The following SSBP4 variants were observed in gnomAD, a reference collection of about 807,000 sequenced individuals.
SSBP4 encodes single-stranded DNA-binding protein 4.
Under a neutral mutation model 64.6 loss-of-function variants are expected in SSBP4, and 33 were observed. The ratio of observed to expected loss-of-function variants is 0.51; its 90% CI spans 0.39 to 0.68. The LOEUF is 0.68. SSBP4 is among the 30% of genes least tolerant of loss of function. SSBP4 has a pLI of 0.00. For missense variants in SSBP4, 583 were observed against 566.8 expected (o/e 1.03, Z -0.29); for synonymous variants, 243 against 224.0 (o/e 1.08, Z -0.76).
chr19:18,433,416 C>A, intron 15 of SSBP4, 169 bp from the exon 16 acceptor site: 1 of 1,315,572 alleles, frequency 7.6e-7, no homozygotes. Context: ...ACCGCCCCTC[C>A]CCCCCAGGCC....
intron 10 of SSBP4, 63 bp from the exon 11 acceptor site, chr19:18,432,496 T>G: frequency 2.0e-6 from 3 of 1,516,134 alleles, no homozygotes; most frequent in South Asian, 2.6e-5. Context: ...GTGGGGGGTG[T>G]GTGGTGAGGG....
rs1423446908 is a variant in SSBP4 at position 18,423,125 on chromosome 19, A to G, written c.59+3418A>G. Among the ~76,000 whole-genome samples, 1 of 152,200 alleles carries G rather than the reference A, an allele frequency of 6.6e-6. No individual in the cohort carries two copies. ...CTGGGGTCTGAGTGGGCCACTTGCA[A>G]GAAGAGGGGCATGTGTATATCCTTC... On this transcript the variant is annotated intron_variant, in intron 1 of 17. Transcript: ENST00000270061. The surrounding 1 kb of genome is among the most constrained non-coding windows in gnomAD (Gnocchi z 4.0).
upstream of SSBP4, chr19:18,419,304 C>T (rs1004957569): frequency 7.0e-6 from 7 of 1,003,584 alleles, no homozygotes; most frequent in Non-Finnish European, 8.3e-6. Context: ...CGGGACCCAC[C>T]CGCGCGCCCG....
Position 18,432,594 on chromosome 19 carries a change from G to A in SSBP4, c.740G>A (p.Ser247Asn). The change falls in exon 11 of 18, where the codon AGT becomes AAT. Residue 247 changes from serine to asparagine, a missense_variant. Physicochemically the swap from Ser to Asn is conservative, Grantham distance 46. Transcript: ENST00000270061. ...PGVRGPWASPSGNSIPYSSSS... is the reference protein window; with the variant it reads ...PGVRGPWASPNGNSIPYSSSS... ...GTTCGTGGCCCGTGGGCCAGCCCCAGTGGAAACTCGGTGAGCCTATGGCTG... is the reference window on the plus strand; with the variant it reads ...GTTCGTGGCCCGTGGGCCAGCCCCAATGGAAACTCGGTGAGCCTATGGCTG... 6.5e-7 allele frequency: 1 copy of A among 1,543,294 alleles called. No individual in the cohort carries two copies. Among genetic ancestry groups the A allele is most frequent in the Non-Finnish European group, 8.8e-7 (1 of 1,137,258 alleles).
chr19:18,430,858 C>G lies in SSBP4; in HGVS notation c.297C>G (p.Pro99=). The G allele has an allele frequency of 6.2e-7, 1 of 1,613,176 alleles. No individual in the cohort carries two copies. Among genetic ancestry groups the G allele is most frequent in the Non-Finnish European group, 8.5e-7 (1 of 1,179,722 alleles). The change falls in exon 5 of 18, where the codon CCC becomes CCG. Residue 99 remains proline, a synonymous_variant. Transcript: ENST00000270061. The part of the protein sequence containing the change: ...AFQDYSAAAA[P]SPVMGSMAPG... ...CCTTACAGAGTGCTGCAGCCGCCCC[C>G]AGCCCCGTTATGGGGAGTATGGCCC... is the stretch of plus-strand genomic sequence containing the variant.
chr19:18,410,086 C>G, the SSBP4 span, among the ~76,000 whole-genome samples: 4 of 152,196 alleles, frequency 2.6e-5, no homozygotes, highest in African/African-American at 9.7e-5. Flanking sequence ...CTCCGCCTCC[C>G]GGGTTGAAGC....
Position 18,432,893 on chromosome 19 carries a change from A to G in SSBP4, c.841+10A>G. 6.2e-7 allele frequency: 1 copy of G among 1,613,982 alleles called. No individual in the cohort carries two copies. Among genetic ancestry groups the G allele is most frequent in the Non-Finnish European group, 8.5e-7 (1 of 1,179,958 alleles). ...ATGCCTAGCCCTGGAGGTATGGCCT[A>G]GTAAGAGGTGGGGGTGTGCTAGGGT... On this transcript the variant is annotated intron_variant, in intron 13 of 17. Transcript: ENST00000270061.
chr19:18,409,252 T>A, the SSBP4 span, among the ~76,000 whole-genome samples: 31 of 151,212 alleles, frequency 2.1e-4, no homozygotes, highest in Admixed American at 2.1e-3. Flanking sequence ...AGTAGTGCGA[T>A]CTGGGCTCAC....
rs1323733757 is a variant in SSBP4 at position 18,434,301 on chromosome 19, G to A, written c.*55G>A. On this transcript the variant is annotated 3_prime_UTR_variant, in exon 18 of 18. Transcript: ENST00000270061. ...GCCTAGGCTTCTGCCCAGCGCCCCT[G>A]CTCAGGGCGAGGGGCTGAGGTCACA... The A allele has an allele frequency of 6.2e-7, 1 of 1,603,958 alleles. No individual in the cohort carries two copies. Among genetic ancestry groups the A allele is most frequent in the Non-Finnish European group, 8.5e-7 (1 of 1,176,080 alleles).
chr19:18,427,755 C>T lies in SSBP4; in HGVS notation c.136C>T (p.Arg46Ter). ...KSAQTFLSEI[R>*]WEKNITLGEP... is the part of the protein sequence containing the mutation. ...CACCACCTTCCTTTCCCTGCAGATCCGATGGGAGAAGAACATCACGCTGGG... is the reference window on the plus strand; with the variant it reads ...CACCACCTTCCTTTCCCTGCAGATCTGATGGGAGAAGAACATCACGCTGGG... Residue 46 changes from arginine to a stop codon, truncating the protein, a stop_gained, in exon 3 of 18, where the codon CGA becomes TGA. Transcript: ENST00000270061. LOFTEE classifies it high-confidence loss of function. This position sits in a 1 kb window ranked among gnomAD's most constrained non-coding sequence, Gnocchi z 4.4. 2 of 1,591,290 alleles carry T rather than the reference C, an allele frequency of 1.3e-6. No individual in the cohort carries two copies. The highest frequency in any genetic ancestry group is 1.7e-6 in the Non-Finnish European group (2 of 1,163,796).
intron 10 of SSBP4, 72 bp from the exon 11 acceptor site, chr19:18,432,487 T>TG (rs1555724881): frequency 2.2e-5 from 33 of 1,508,872 alleles, no homozygotes; most frequent in Non-Finnish European, 2.6e-5. Context: ...GAGCAGGGTG[T>TG]GGGGGGTGTG....
At chr19:18,411,489 C>A in the SSBP4 span, among the ~76,000 whole-genome samples, 1 of 151,420 alleles carries the variant, frequency 6.6e-6, no homozygotes, top group South Asian at 2.1e-4. Flanking sequence ...AGCGAGACTT[C>A]GTCTTAAAGA....
chr19:18,407,760 G>T, the SSBP4 span, among the ~76,000 whole-genome samples: 3 of 151,570 alleles, frequency 2.0e-5, no homozygotes, highest in Non-Finnish European at 4.4e-5. Context: ...TTTGTTTTTT[G>T]ACGCAGAGTC....
chr19:18,422,383 T>C (rs1972525972), intron 1 of SSBP4, among the ~76,000 whole-genome samples: 2 of 152,112 alleles, frequency 1.3e-5, no homozygotes, highest in African/African-American at 4.8e-5. Context: ...GTCCCTCAGC[T>C]GCCAGTGGGG....
At chr19:18,430,788 G>C (rs1474281374) in intron 4 of SSBP4, 53 bp from the exon 5 acceptor site, 12 of 1,518,838 alleles carry the variant, frequency 7.9e-6, no homozygotes, top group Non-Finnish European at 4.5e-6. Context: ...ACCCCAGGTA[G>C]GAAGTGTCCA....
rs759711989 is a variant in SSBP4 at position 18,427,925 on chromosome 19, G to A, written c.222G>A (p.Ala74=). 23 of 1,613,658 alleles carry A rather than the reference G, an allele frequency of 1.4e-5. No homozygotes were observed. Among genetic ancestry groups the A allele is most frequent in the Non-Finnish European group, 1.8e-5 (21 of 1,179,928 alleles). The part of the protein sequence containing the change: ...WCVFWDLYCA[A]PDRREACEHS... The stretch of plus-strand genomic sequence containing the variant: ...TCTTCTGGGACCTGTACTGCGCGGC[G>A]CCTGACAGAAGAGAGGCCTGCGAGC... Residue 74 remains alanine (A), a synonymous_variant, in exon 4 of 18, where the codon GCG becomes GCA. Transcript: ENST00000270061. This position sits in a 1 kb window ranked among gnomAD's most constrained non-coding sequence, Gnocchi z 4.4.
intron 10 of SSBP4, 147 bp downstream of exon 10, chr19:18,432,361 G>GA: frequency 7.6e-7 from 1 of 1,317,538 alleles, no homozygotes; most frequent in Non-Finnish European, 1.0e-6. Context: ...ACTGAGACTT[G>GA]AAGTAGCAAT....
At chr19:18,430,387 G>GATGGGGACCCC (rs1351982915) in intron 4 of SSBP4, among the ~76,000 whole-genome samples, 4 of 152,194 alleles carry the variant, frequency 2.6e-5, no homozygotes, top group Admixed American at 2.6e-4. Flanking sequence ...GAGGCTGGGG[G>GATGGGGACCCC]ATGGGGACCC....
the SSBP4 span, among the ~76,000 whole-genome samples, chr19:18,404,642 CA>C: frequency 1.3e-5 from 2 of 148,962 alleles, no homozygotes; most frequent in Admixed American, 6.7e-5. Flanking sequence ...CCTGTAATCC[CA>C]GCACTTAGGG....
Sources: gnomAD v4.1 joint callset for allele counts (sites outside exome capture counted in the v4.1 genomes callset) on GRCh38, gnomAD v4.1.1 for gene constraint, Gnocchi (gnomAD v3.1) non-coding constraint, MANE v1.5 for transcripts, NCBI Gene and HGNC (gene_info 2026-07-23, HGNC 2026-07-21) for gene names.